PAX5: variants seen among roughly 807,000 people sequenced by gnomAD.
The protein encoded by PAX5 is paired box protein Pax-5.
In PAX5, 9 loss-of-function variants were observed where a neutral mutation model predicts 43.7. The ratio of observed to expected loss-of-function variants is 0.21; its 90% CI spans 0.12 to 0.36. The LOEUF is 0.36. Among genes scored for constraint, PAX5 ranks in the 10% least tolerant of loss-of-function variants. PAX5 has a pLI of 1.00. For synonymous variants in PAX5, 228 were observed against 214.3 expected, an observed-to-expected ratio of 1.06 and a Z score of -0.56; for missense variants, 383 against 532.7, an observed-to-expected ratio of 0.72 and a Z score of 2.77.
rs78076447 is a variant in PAX5, at chr9:36,944,815, T to A, written c.781-21331A>T. ...CCAATTGAATGGCTTTATCCGGTAA[T>A]GATTTTAAAATAAATGAAAGGGACA... On this transcript the variant is annotated intron_variant, in intron 6 of 9. Coordinates refer to ENST00000358127, the MANE Select transcript of PAX5 (RefSeq NM_016734.3). 7.6e-3 allele frequency among the ~76,000 whole-genome samples: 1,164 copies of A among 152,348 alleles called. 13 individuals are homozygous for A. Among genetic ancestry groups the A allele is most frequent in the African/African-American group, 0.026 (1,088 of 41,568 alleles).
At chr9:36,975,125 T>C (rs970790680) in intron 5 of PAX5, among the ~76,000 whole-genome samples, 4 of 152,238 alleles carry the variant, frequency 2.6e-5, no homozygotes, top group African/African-American at 9.6e-5. Context: ...GATTCTACTC[T>C]TCACAAACCA....
At chr9:36,894,643 A>G (rs1827692456) in intron 7 of PAX5, among the ~76,000 whole-genome samples, 1 of 152,210 alleles carries the variant, frequency 6.6e-6, no homozygotes, top group African/African-American at 2.4e-5. Flanking sequence ...TATCTTCCTC[A>G]CAGTGCTGTC....
In PAX5 at chr9:36,981,185, G is replaced by GGC. The variant is rs1554676937; in HGVS notation, c.605-14462_605-14461insGC. ...AGGACCACCCTCCAAAAACAGCAAAGCCCCCCCCCCCTCAGCCCTGCTTCA... is the reference window on the plus strand; with the variant it reads ...AGGACCACCCTCCAAAAACAGCAAAGGCCCCCCCCCCCCTCAGCCCTGCTTCA... On this transcript the variant is annotated intron_variant, in intron 5 of 9. Transcript: ENST00000358127. 4.3e-3 allele frequency among the ~76,000 whole-genome samples: 456 copies of GGC among 106,346 alleles called. 2 individuals carry two copies. The highest frequency in any genetic ancestry group is 5.6e-3 in the Non-Finnish European group (304 of 53,920). The allele number at this position is 106,346 out of a possible 152,430, so 69.8% of individuals were successfully genotyped here.
chr9:36,846,855 G>A lies in PAX5; in HGVS notation c.1087C>T (p.Pro363Ser), dbSNP rs2131591144. 1 of 1,613,788 alleles carries A rather than the reference G, an allele frequency of 6.2e-7. No individual in the cohort carries two copies. The highest frequency in any genetic ancestry group is 8.5e-7 in the Non-Finnish European group (1 of 1,179,680). Residue 363 changes from proline (P) to serine (S), a missense_variant, in exon 9 of 10, where the codon CCG (proline) becomes TCG (serine). Coordinates refer to ENST00000358127, the MANE Select transcript of PAX5 (RefSeq NM_016734.3). Reference protein sequence around the residue: ...SYNDSWRFPNPGLLGSPYYYS... With the variant: ...SYNDSWRFPNSGLLGSPYYYS... ...CGCCAGTACTCACCAAGCAGCCCCG[G>A]GTTGGGGAACCTCCAGGAGTCGTTG...
At chr9:37,014,895 G>T in intron 3 of PAX5, 102 bp downstream of exon 3, 1 of 1,096,572 alleles carries the variant, frequency 9.1e-7, no homozygotes, top group Non-Finnish European at 1.3e-6. Context: ...AGGGGCCTTG[G>T]TGAAAAAAGA....
rs1015142783 is a variant in PAX5, at chr9:36,882,206, C to T, written c.911-101G>A. On this transcript the variant is annotated intron_variant, in intron 7 of 9. Coordinates refer to ENST00000358127, the MANE Select transcript of PAX5 (RefSeq NM_016734.3). The surrounding 1 kb of genome is among the most constrained non-coding windows in gnomAD (Gnocchi z 4.4). ...CTTCTGCACATTTGTCACGTTTGGA[C>T]GCTGAACGGCAATGTGCCCCCAGCT... The T allele has an allele frequency of 1.3e-4, 121 of 928,104 alleles. No individual in the cohort carries two copies. Among genetic ancestry groups the T allele is most frequent in the Non-Finnish European group, 1.8e-4 (111 of 626,000 alleles). The allele number at this position is 928,104 out of a possible 1,614,324, so 57.5% of individuals were successfully genotyped here.
chr9:37,028,228 C>T (rs1840631111), intron 1 of PAX5, among the ~76,000 whole-genome samples: 1 of 152,210 alleles, frequency 6.6e-6, no homozygotes, highest in South Asian at 2.1e-4. Flanking sequence ...GCATATCTGC[C>T]AGTTCTGACC....
chr9:36,834,569 A>G lies in PAX5; in HGVS notation c.*5991T>C, dbSNP rs1821511123. 1 of 233,072 alleles carries G rather than the reference A, an allele frequency of 4.3e-6. No homozygotes were observed. Among genetic ancestry groups the G allele is most frequent in the South Asian group, 1.8e-4 (1 of 5,520 alleles). 14.4% of individuals were successfully genotyped at this position (233,072 alleles called of 1,614,324 possible). A position where few individuals can be genotyped will look rare whatever the true frequency, so the allele number is the denominator to read the frequency against. On this transcript the variant is annotated 3_prime_UTR_variant, in exon 10 of 10. Transcript: ENST00000358127. The stretch of plus-strand genomic sequence containing the variant: ...TTTTCTTTTTAGCTTTATAGCAATT[A>G]ATTGGCTATTGATTGGTTGGAATGT...
chr9:36,879,089 C>G (rs574501682), intron 8 of PAX5, among the ~76,000 whole-genome samples: 14 of 152,356 alleles, frequency 9.2e-5, no homozygotes, highest in African/African-American at 3.1e-4. Context: ...CACTCGTGCA[C>G]CCTCCTCTGT....
At chr9:36,868,518 A>G (rs3861001) in intron 8 of PAX5, among the ~76,000 whole-genome samples, 114,287 of 152,028 alleles carry the variant, frequency 0.75, 44,552 homozygotes, top group Non-Finnish European at 0.86. Flanking sequence ...GGGTCTAGGA[A>G]CATGTGTCAA....
chr9:37,002,258 C>G (rs1837943385), intron 5 of PAX5, among the ~76,000 whole-genome samples: 1 of 152,200 alleles, frequency 6.6e-6, no homozygotes, highest in Non-Finnish European at 1.5e-5. Flanking sequence ...CCAGCCCCCT[C>G]TCTCTGGTCC....
chr9:36,914,387 G>A lies in PAX5; in HGVS notation c.910+8968C>T, dbSNP rs948567158. Among the ~76,000 whole-genome samples, 5 of 152,302 alleles carry A rather than the reference G, an allele frequency of 3.3e-5. No individual in the cohort carries two copies. The South Asian group carries it at 8.3e-4, about 25-fold the overall frequency. Reference sequence around the variant, plus strand: ...ACCTATTTGTAAAATCACGCTGGCAGGATGAGTTAGTGTTAGTCCCTAGTC... The same window carrying A: ...ACCTATTTGTAAAATCACGCTGGCAAGATGAGTTAGTGTTAGTCCCTAGTC... On this transcript the variant is annotated intron_variant, in intron 7 of 9. Transcript: ENST00000358127.
At chr9:36,981,185 G>GGCC (rs1554676937) in intron 5 of PAX5, among the ~76,000 whole-genome samples, 38 of 106,468 alleles carry the variant, frequency 3.6e-4, no homozygotes, top group East Asian at 1.0e-3. Flanking sequence ...AAACAGCAAA[G>GGCC]CCCCCCCCCC....
intron 7 of PAX5, among the ~76,000 whole-genome samples, chr9:36,895,703 A>G (rs1323127797): frequency 1.3e-5 from 2 of 152,192 alleles, no homozygotes; most frequent in African/African-American, 2.4e-5. Flanking sequence ...GGCTGAGAGA[A>G]GTGAAGTAAC....
At chr9:36,966,480 T>TG (rs1834445107) in intron 6 of PAX5, 69 bp downstream of exon 6, 5 of 1,543,018 alleles carry the variant, frequency 3.2e-6, no homozygotes, top group Middle Eastern at 3.4e-4. Context: ...CAGATGCCTC[T>TG]GCCTTCAGGA....
chr9:36,913,971 C>T (rs779393401), intron 7 of PAX5, among the ~76,000 whole-genome samples: 2 of 152,148 alleles, frequency 1.3e-5, no homozygotes, highest in Non-Finnish European at 2.9e-5. Context: ...TGAAACAGAG[C>T]CCCCCACCCC....
At chr9:36,967,251 C>T (rs1834524257) in intron 5 of PAX5, among the ~76,000 whole-genome samples, 1 of 152,224 alleles carries the variant, frequency 6.6e-6, no homozygotes, top group Admixed American at 6.5e-5. Flanking sequence ...GACTCTCATA[C>T]AATTCTGGTG....
At position 36,837,561 on chromosome 9, in the gene PAX5, C is replaced by T. The variant is rs941849774; in HGVS notation, c.*2999G>A. The T allele has an allele frequency of 1.7e-5, 4 of 233,232 alleles. No individual in the cohort carries two copies. The highest frequency in any genetic ancestry group is 8.8e-5 in the African/African-American group (4 of 45,368). 14.4% of individuals were successfully genotyped at this position (233,232 alleles called of 1,614,324 possible). On this transcript the variant is annotated 3_prime_UTR_variant, in exon 10 of 10. Transcript: ENST00000358127. Reference sequence around the variant, plus strand: ...GAATTCTCTGGCATCTACTCAACGGCTTGTGTCCTTTGGAGCCATCCTCAC... The same window carrying T: ...GAATTCTCTGGCATCTACTCAACGGTTTGTGTCCTTTGGAGCCATCCTCAC...
chr9:36,986,087 C>T (rs1368379230), intron 5 of PAX5, among the ~76,000 whole-genome samples: 3 of 152,022 alleles, frequency 2.0e-5, no homozygotes, highest in African/African-American at 7.2e-5. Flanking sequence ...CACCCCCGTC[C>T]GGCGCCCTCG....
Sources: allele counts gnomAD v4.1 joint callset (sites outside exome capture counted in the v4.1 genomes callset), GRCh38; gene constraint gnomAD v4.1.1; non-coding constraint Gnocchi (gnomAD v3.1); transcripts MANE v1.5; gene names NCBI Gene and HGNC (gene_info 2026-07-23, HGNC 2026-07-21).